Variants in FLVCR2 observed in about 807,000 individuals in gnomAD.
The protein encoded by FLVCR2 is choline/ethanolamine transporter FLVCR2.
In FLVCR2, 38 loss-of-function variants were observed where a neutral mutation model predicts 48.9. That is an observed-to-expected ratio of 0.78 (90% confidence interval 0.60 to 1.02). The LOEUF (loss-of-function observed/expected upper bound fraction) is 1.02, where lower values mean the gene tolerates loss of function less well. Ranked by LOEUF, FLVCR2 falls within the 50% of genes least tolerant of loss-of-function variation. The probability of loss-of-function intolerance (pLI) is 0.00; values close to 1 mark genes in which losing one functional copy is unlikely to be tolerated. For missense variants in FLVCR2, 664 were observed against 663.3 expected, an observed-to-expected ratio of 1.00 and a Z score of -0.01; for synonymous variants, 255 against 257.0, an observed-to-expected ratio of 0.99 and a Z score of 0.07.
At chr14:75,640,253 C>T (rs368922206) in intron 6 of FLVCR2, among the ~76,000 whole-genome samples, 8 of 108,524 alleles carry the variant, frequency 7.4e-5, no homozygotes, top group East Asian at 4.6e-4. Flanking sequence ...AGTGAGACTC[C>T]GTCTCAAAAA....
At chr14:75,636,834 T>C (rs1890177620) in intron 5 of FLVCR2, among the ~76,000 whole-genome samples, 1 of 152,246 alleles carries the variant, frequency 6.6e-6, no homozygotes, top group South Asian at 2.1e-4. Context: ...TATCTCAGAC[T>C]GGGACTACAA....
At chr14:75,584,044 G>A (rs914848998) in intron 1 of FLVCR2, among the ~76,000 whole-genome samples, 2 of 152,220 alleles carry the variant, frequency 1.3e-5, no homozygotes, top group Admixed American at 6.5e-5. Flanking sequence ...CGGACAGTCC[G>A]ACCTCCACTG....
At chr14:75,584,454 A>T (rs529909261) in intron 1 of FLVCR2, among the ~76,000 whole-genome samples, 1 of 152,366 alleles carries the variant, frequency 6.6e-6, no homozygotes, top group East Asian at 1.9e-4. Flanking sequence ...TAGGGCGGTA[A>T]AGCGTCTAAG....
At chr14:75,605,437 G>T in intron 1 of FLVCR2, 1 of 1,472,630 alleles carries the variant, frequency 6.8e-7, no homozygotes, top group Non-Finnish European at 9.0e-7. Flanking sequence ...AGGGCACCCT[G>T]TAAGCTCTGG....
At chr14:75,622,554 C>T (rs1423206497) in intron 2 of FLVCR2, among the ~76,000 whole-genome samples, 1 of 152,154 alleles carries the variant, frequency 6.6e-6, no homozygotes, top group Non-Finnish European at 1.5e-5. Context: ...CTGTACTGAG[C>T]ATGCCTGATT....
chr14:75,585,984 G>A (rs1319215570), intron 1 of FLVCR2, among the ~76,000 whole-genome samples: 4 of 152,216 alleles, frequency 2.6e-5, no homozygotes, highest in Non-Finnish European at 5.9e-5. Flanking sequence ...ACCCGAGGTC[G>A]TAGGTGGATC....
intron 6 of FLVCR2, among the ~76,000 whole-genome samples, chr14:75,639,695 G>A (rs879938447): frequency 1.3e-5 from 2 of 152,118 alleles, no homozygotes; most frequent in Admixed American, 1.3e-4. Context: ...CGACCTCTTG[G>A]AGGCTAGAAC....
intron 1 of FLVCR2, among the ~76,000 whole-genome samples, chr14:75,602,402 C>T (rs1215234758): frequency 6.6e-6 from 1 of 152,050 alleles, no homozygotes; most frequent in African/African-American, 2.4e-5. Context: ...TGTACATTTC[C>T]AAGTTCTAAT....
chr14:75,596,953 T>C (rs1889038467), intron 1 of FLVCR2, among the ~76,000 whole-genome samples: 2 of 152,184 alleles, frequency 1.3e-5, no homozygotes, highest in African/African-American at 2.4e-5. Flanking sequence ...TTTTTAAAAA[T>C]GTATTTTATG....
chr14:75,643,803 G>A (rs1054306302), intron 9 of FLVCR2, among the ~76,000 whole-genome samples: 15 of 152,148 alleles, frequency 9.9e-5, no homozygotes, highest in Admixed American at 7.9e-4. Flanking sequence ...TACACTGGCC[G>A]GGCGCGATGG....
chr14:75,611,428 T>G (rs1248671887), intron 1 of FLVCR2, among the ~76,000 whole-genome samples: 2 of 152,042 alleles, frequency 1.3e-5, no homozygotes, highest in Non-Finnish European at 2.9e-5. Flanking sequence ...ATAGAGGCTT[T>G]CTCATCTGTA....
At chr14:75,604,270 C>T (rs572976836) in intron 1 of FLVCR2, 36 of 152,280 alleles carry the variant, frequency 2.4e-4, no homozygotes, top group African/African-American at 7.0e-4. Flanking sequence ...AGAATACTGT[C>T]GCTAGATCTG....
At chr14:75,611,444 C>G (rs1249239095) in intron 1 of FLVCR2, among the ~76,000 whole-genome samples, 1 of 152,060 alleles carries the variant, frequency 6.6e-6, no homozygotes, top group African/African-American at 2.4e-5. Context: ...CTGTAAAAAC[C>G]AAACCAGAGG....
Position 75,579,337 on chromosome 14 carries a change from C to T in FLVCR2, c.365C>T (p.Ala122Val). Residue 122 changes from alanine to valine, a missense_variant, in exon 1 of 10, where the codon GCC (alanine) becomes GTC (valine). By Grantham distance (64) the Ala-to-Val change is moderately conservative (BLOSUM62 0). Transcript: ENST00000238667. ...CACTTCTACGGTGTCAGTGCCTTTG[C>T]CATTGACTGGCTGTCCATGTGCTAC... ...FMHFYGVSAF[A>V]IDWLSMCYML... is the part of the protein sequence containing the mutation. 1 of 1,614,228 alleles carries T rather than the reference C, an allele frequency of 6.2e-7. No individual in the cohort carries two copies. The highest frequency in any genetic ancestry group is 8.5e-7 in the Non-Finnish European group (1 of 1,180,018).
rs540821346 is a variant in FLVCR2 at position 75,615,607 on chromosome 14, C to T, written c.670-6472C>T. 4.6e-5 allele frequency among the ~76,000 whole-genome samples: 7 copies of T among 152,054 alleles called. No homozygotes were observed. The East Asian group carries it at 7.8e-4, about 17-fold the overall frequency. On this transcript the variant is annotated intron_variant, in intron 1 of 9. Transcript: ENST00000238667. ...GCCAAGCTCTAGTAACTGGTAGGGC[C>T]GAGATTTGAATTGAGATCTTTCTGA...
chr14:75,579,873 T>C (rs1888551858), intron 1 of FLVCR2, among the ~76,000 whole-genome samples: 1 of 152,230 alleles, frequency 6.6e-6, no homozygotes, highest in Non-Finnish European at 1.5e-5. Context: ...AGCATGCTTC[T>C]AGAACATACT....
intron 1 of FLVCR2, among the ~76,000 whole-genome samples, chr14:75,591,749 C>T (rs369801510): frequency 6.6e-6 from 1 of 151,300 alleles, no homozygotes; most frequent in South Asian, 2.1e-4. Context: ...TCTGTGGTGG[C>T]TCCCCCACAT....
At chr14:75,645,691 G>A (rs992409021) in intron 9 of FLVCR2, among the ~76,000 whole-genome samples, 1 of 152,182 alleles carries the variant, frequency 6.6e-6, no homozygotes, top group Non-Finnish European at 1.5e-5. Flanking sequence ...GCCAAGGTGA[G>A]TGGATCACCT....
chr14:75,617,365 T>A (rs1349342450), intron 1 of FLVCR2, among the ~76,000 whole-genome samples: 1 of 152,164 alleles, frequency 6.6e-6, no homozygotes, highest in Non-Finnish European at 1.5e-5. Flanking sequence ...ACAGTAGCAT[T>A]TAGAGGTCAC....
Sources: allele counts gnomAD v4.1 joint callset (sites outside exome capture counted in the v4.1 genomes callset), GRCh38; gene constraint gnomAD v4.1.1; transcripts MANE v1.5; gene names NCBI Gene and HGNC (gene_info 2026-07-23, HGNC 2026-07-21).